NTS: variants seen among roughly 807,000 people sequenced by gnomAD.
NTS encodes the protein neurotensin, also known as neurotensin/neuromedin N.
In NTS, 20 loss-of-function variants were observed where a neutral mutation model predicts 19.5. That is an observed-to-expected ratio of 1.02 (90% CI 0.72 to 1.49). The LOEUF is 1.49. Ranked by LOEUF, NTS falls within the 40% of genes most tolerant of loss-of-function variation. The pLI, the probability that NTS is intolerant of heterozygous loss-of-function variation, is 0.00. For missense variants in NTS, 215 were observed against 193.1 expected, an observed-to-expected ratio of 1.11 and a Z score of -0.67; for synonymous variants, 71 against 63.3, an observed-to-expected ratio of 1.12 and a Z score of -0.58.
chr12:85,882,136 C>A, intron 3 of NTS, 87 bp from the exon 4 acceptor site: 2 of 1,059,034 alleles, frequency 1.9e-6, no homozygotes, highest in African/African-American at 1.6e-5. Flanking sequence ...GCTGTCTTAA[C>A]AGCAAATGAG....
Position 85,878,329 on chromosome 12 carries a change from T to G in NTS, c.136-16T>G. ...ACACAAGTTTTAATTGCAGGGGTTT[T>G]TTTAATATATTTCAGATTAGTAAAG... On this transcript the variant is annotated splice_polypyrimidine_tract_variant and intron_variant, in intron 2 of 3. Coordinates refer to ENST00000256010, the MANE Select transcript of NTS (RefSeq NM_006183.5). 1 of 1,543,134 alleles carries G rather than the reference T, an allele frequency of 6.5e-7. No individual in the cohort carries two copies. The highest frequency in any genetic ancestry group is 1.2e-5 in the South Asian group (1 of 80,898).
intron 3 of NTS, among the ~76,000 whole-genome samples, chr12:85,879,527 GTATATAAAA>G (rs1202113649): frequency 9.4e-6 from 1 of 106,366 alleles, no homozygotes; most frequent in African/African-American, 3.7e-5. Flanking sequence ...TATATTTTAT[GTATATAAAA>G]TATATTTTTT....
chr12:85,880,128 C>A (rs2136593673), intron 3 of NTS, among the ~76,000 whole-genome samples: 1 of 151,366 alleles, frequency 6.6e-6, no homozygotes, highest in Admixed American at 6.6e-5. Flanking sequence ...ATATCCCCAT[C>A]ATTTCAGTTT....
In NTS at chr12:85,882,522, T is replaced by C. The variant is rs1050926; in HGVS notation, c.*147T>C. ...TGAATGTGATTTTTCTGCACTAATATAAATTAGACTAAGTGTTTTCAAATA... is the reference window on the plus strand; with the variant it reads ...TGAATGTGATTTTTCTGCACTAATACAAATTAGACTAAGTGTTTTCAAATA... On this transcript the variant is annotated 3_prime_UTR_variant, in exon 4 of 4. Coordinates refer to ENST00000256010, the MANE Select transcript of NTS (RefSeq NM_006183.5). 2 of 601,364 alleles carry C rather than the reference T, an allele frequency of 3.3e-6. No individual in the cohort carries two copies. Among genetic ancestry groups the C allele is most frequent in the Non-Finnish European group, 2.9e-6 (1 of 349,932 alleles). 37.3% of individuals were successfully genotyped at this position (601,364 alleles called of 1,614,324 possible).
intron 2 of NTS, 34 bp from the exon 3 acceptor site, chr12:85,878,311 T>C: frequency 6.8e-7 from 1 of 1,479,090 alleles, no homozygotes; most frequent in East Asian, 2.3e-5. Context: ...GTAACACAAG[T>C]TTTAATTGCA....
chr12:85,879,822 T>C (rs927213489), intron 3 of NTS, among the ~76,000 whole-genome samples: 2 of 142,658 alleles, frequency 1.4e-5, no homozygotes, highest in Non-Finnish European at 3.0e-5. Flanking sequence ...TTATGTATAT[T>C]TTATGTATAT....
chr12:85,881,770 T>C (rs1881508259), intron 3 of NTS, among the ~76,000 whole-genome samples: 1 of 152,148 alleles, frequency 6.6e-6, no homozygotes, highest in Non-Finnish European at 1.5e-5. Flanking sequence ...AATATAACAT[T>C]TTGTTACCTT....
intron 2 of NTS, 157 bp from the exon 3 acceptor site, chr12:85,878,188 C>T: frequency 1.8e-6 from 1 of 555,112 alleles, no homozygotes; most frequent in Non-Finnish European, 3.2e-6. Context: ...TGGCAGTATA[C>T]AACTTTGTGA....
chr12:85,875,896 AT>A (rs1881330534), intron 1 of NTS, among the ~76,000 whole-genome samples: 1 of 151,860 alleles, frequency 6.6e-6, no homozygotes, highest in Non-Finnish European at 1.5e-5. Flanking sequence ...TTTTAACTTT[AT>A]TTTTATTATT....
chr12:85,881,824 T>C (rs750667112), intron 3 of NTS, among the ~76,000 whole-genome samples: 1 of 152,114 alleles, frequency 6.6e-6, no homozygotes, highest in Non-Finnish European at 1.5e-5. Flanking sequence ...ATATTTATTG[T>C]AATATATTAT....
Position 85,876,701 on chromosome 12 carries a change from G to A in NTS, c.135G>A (p.Lys45=). The A allele has an allele frequency of 1.3e-6, 2 of 1,546,336 alleles. No homozygotes were observed. Among genetic ancestry groups the A allele is most frequent in the East Asian group, 2.3e-5 (1 of 43,242 alleles). The change falls in exon 2 of 4, where the codon AAG becomes AAA. Residue 45 remains lysine (K), a splice_region_variant and synonymous_variant. Transcript: ENST00000256010. ...ADFLTNMHTS[K]ISKAHVPSWK... is the part of the protein sequence containing the mutation. ...TCTTGACCAATATGCATACATCAAA[G>A]GTAACTTTTTCTTTTCTTTAACCCT...
In NTS at chr12:85,878,319, G is replaced by T. The variant is rs138660407; in HGVS notation, c.136-26G>T. The T allele has an allele frequency of 3.1e-5, 47 of 1,504,224 alleles. 1 individual carries two copies. The African/African-American group carries it at 5.9e-4, about 19-fold the overall frequency. 93.2% of individuals were successfully genotyped at this position (1,504,224 alleles called of 1,614,324 possible). A position where few individuals can be genotyped will look rare whatever the true frequency, so the allele number is the denominator to read the frequency against. ...TGCTCATGTAACACAAGTTTTAATT[G>T]CAGGGGTTTTTTTAATATATTTCAG... On this transcript the variant is annotated intron_variant, in intron 2 of 3. Coordinates refer to ENST00000256010, the MANE Select transcript of NTS (RefSeq NM_006183.5).
At chr12:85,880,987 T>C (rs1213745249) in intron 3 of NTS, among the ~76,000 whole-genome samples, 2 of 150,410 alleles carry the variant, frequency 1.3e-5, no homozygotes, top group East Asian at 1.9e-4. Flanking sequence ...TCAAAGAAAC[T>C]TGAAAAATAC....
chr12:85,879,079 A>G (rs11117066), intron 3 of NTS, among the ~76,000 whole-genome samples: 990 of 84,050 alleles, frequency 0.012, 9 homozygotes, highest in East Asian at 0.022. Context: ...TTTAATGTAC[A>G]TAAAATATAT....
intron 3 of NTS, among the ~76,000 whole-genome samples, chr12:85,879,042 GTACATAAAATATA>G (rs1881413836): frequency 7.4e-6 from 1 of 134,692 alleles, no homozygotes; most frequent in Non-Finnish European, 1.7e-5. Flanking sequence ...ATATTTTTAT[GTACATAAAATATA>G]TTTTTATGTA....
chr12:85,882,528 AGACT>A lies in NTS; in HGVS notation c.*154_*157del. The A allele has an allele frequency of 1.0e-5, 6 of 584,364 alleles. No homozygotes were observed. The highest frequency in any genetic ancestry group is 1.8e-5 in the Non-Finnish European group (6 of 339,770). 36.2% of individuals were successfully genotyped at this position (584,364 alleles called of 1,614,324 possible). On this transcript the variant is annotated 3_prime_UTR_variant, in exon 4 of 4. Transcript: ENST00000256010. ...TGATTTTTCTGCACTAATATAAATTAGACTAAGTGTTTTCAAATAAATCTAAATC... is the reference window on the plus strand; with the variant it reads ...TGATTTTTCTGCACTAATATAAATTAAAGTGTTTTCAAATAAATCTAAATC...
chr12:85,874,802 G>A (rs1881302097), intron 1 of NTS, among the ~76,000 whole-genome samples: 1 of 152,154 alleles, frequency 6.6e-6, no homozygotes, highest in African/African-American at 2.4e-5. Flanking sequence ...TACAGAGGCA[G>A]TGGCTGTCAA....
In NTS at chr12:85,878,416, C is replaced by T. The variant is rs1881395106; in HGVS notation, c.207C>T (p.Asn69=). Residue 69 remains asparagine, a synonymous_variant, in exon 3 of 4, where the codon AAC becomes AAT. Transcript: ENST00000256010. ...TTTGCAGTCTTGTAAATAATTTGAA[C>T]AGCCCAGCTGAGGAAACAGGAGAAG... ...LNVCSLVNNL[N]SPAEETGEVH... 4.3e-6 allele frequency: 7 copies of T among 1,613,272 alleles called. No homozygotes were observed. The highest frequency in any genetic ancestry group is 1.1e-5 in the South Asian group (1 of 90,950).
chr12:85,879,467 ATT>A lies in NTS; in HGVS notation c.360+901_360+902del, dbSNP rs1174975659. 1.8e-4 allele frequency among the ~76,000 whole-genome samples: 17 copies of A among 93,414 alleles called. 3 individuals are homozygous for A. The highest frequency in any genetic ancestry group is 3.6e-4 in the Non-Finnish European group (16 of 44,370). The allele number at this position is 93,414 out of a possible 152,430, so 61.3% of individuals were successfully genotyped here. A position where few individuals can be genotyped will look rare whatever the true frequency, so the allele number is the denominator to read the frequency against. On this transcript the variant is annotated intron_variant, in intron 3 of 3. Coordinates refer to ENST00000256010, the MANE Select transcript of NTS (RefSeq NM_006183.5). Reference sequence around the variant, plus strand: ...TATATTTTATGTATATTTTATGTATATTTTATGTATATTTTATGTATATTTTA... The same window carrying A: ...TATATTTTATGTATATTTTATGTATATTATGTATATTTTATGTATATTTTA...
Sources: gnomAD v4.1 joint callset for allele counts (sites outside exome capture counted in the v4.1 genomes callset) on GRCh38, gnomAD v4.1.1 for gene constraint, MANE v1.5 for transcripts, NCBI Gene and HGNC (gene_info 2026-07-23, HGNC 2026-07-21) for gene names.